PTPRO: variants seen among roughly 807,000 people sequenced by gnomAD.
PTPRO encodes the protein receptor-type tyrosine-protein phosphatase O.
A neutral mutation model predicts 145.2 loss-of-function variants in PTPRO; 62 were observed. That is an observed-to-expected ratio of 0.43 (90% CI 0.35 to 0.53). The LOEUF (loss-of-function observed/expected upper bound fraction) is 0.53. Ranked by LOEUF, PTPRO falls within the 20% of genes least tolerant of loss-of-function variation. The probability of loss-of-function intolerance (pLI) is 0.01; values close to 1 mark genes in which losing one functional copy is unlikely to be tolerated. For synonymous variants in PTPRO, 565 were observed against 514.7 expected, an observed-to-expected ratio of 1.10 and a Z score of -1.32; for missense variants, 1,345 against 1,482.7, an observed-to-expected ratio of 0.91 and a Z score of 1.53.
chr12:15,468,496 G>C lies in PTPRO; in HGVS notation c.76-15478G>C, dbSNP rs60546013. Among the ~76,000 whole-genome samples the C allele has an allele frequency of 8.2e-3, 1,247 of 152,230 alleles. 18 individuals carry two copies. Among genetic ancestry groups the C allele is most frequent in the African/African-American group, 0.028 (1,152 of 41,558 alleles). ...TTCACATTCACTGTCCTTAGGTCCTGTTCTTTCTCTCCAACTAATCATCAG... is the reference window on the plus strand; with the variant it reads ...TTCACATTCACTGTCCTTAGGTCCTCTTCTTTCTCTCCAACTAATCATCAG... On this transcript the variant is annotated intron_variant, in intron 1 of 26. Transcript: ENST00000281171.
At chr12:15,549,988 G>A (rs1943410738) in intron 14 of PTPRO, among the ~76,000 whole-genome samples, 1 of 152,048 alleles carries the variant, frequency 6.6e-6, no homozygotes, top group Non-Finnish European at 1.5e-5. Flanking sequence ...TACCTGCAAA[G>A]TATTTTAATG....
At chr12:15,511,617 G>A (rs537670854) in intron 7 of PTPRO, among the ~76,000 whole-genome samples, 9 of 152,348 alleles carry the variant, frequency 5.9e-5, no homozygotes, top group Admixed American at 5.9e-4. Context: ...GGAGCATGGA[G>A]TGCAAAGTCA....
At chr12:15,450,681 G>T (rs897036611) in intron 1 of PTPRO, among the ~76,000 whole-genome samples, 2 of 152,094 alleles carry the variant, frequency 1.3e-5, no homozygotes, top group African/African-American at 4.8e-5. Flanking sequence ...GCTGGGGTGG[G>T]AGGATTGCTT....
At chr12:15,360,863 TATGTGTGTATATACAC>T (rs1938166864) in intron 1 of PTPRO, among the ~76,000 whole-genome samples, 1 of 102,552 alleles carries the variant, frequency 9.8e-6, no homozygotes, top group African/African-American at 3.3e-5. Context: ...TGTGTGTATA[TATGTGTGTATATACAC>T]ACATACACAT....
intron 1 of PTPRO, among the ~76,000 whole-genome samples, chr12:15,448,762 T>C (rs1940973267): frequency 6.6e-6 from 1 of 152,054 alleles, no homozygotes; most frequent in South Asian, 2.1e-4. Flanking sequence ...AGCCAAGACA[T>C]AAAAACAATC....
chr12:15,345,823 A>G (rs1310941835), intron 1 of PTPRO, among the ~76,000 whole-genome samples: 1 of 152,180 alleles, frequency 6.6e-6, no homozygotes, highest in African/African-American at 2.4e-5. Context: ...CAAATGTCAG[A>G]GAGGCACTAA....
chr12:15,499,906 C>T (rs1359977720), intron 4 of PTPRO, among the ~76,000 whole-genome samples: 1 of 151,836 alleles, frequency 6.6e-6, no homozygotes, highest in Non-Finnish European at 1.5e-5. Flanking sequence ...GACAAGTGAC[C>T]CTATGGCAGA....
At chr12:15,585,666 C>A (rs942338438) in intron 23 of PTPRO, among the ~76,000 whole-genome samples, 1 of 152,128 alleles carries the variant, frequency 6.6e-6, no homozygotes, top group African/African-American at 2.4e-5. Context: ...AAACTGACAG[C>A]GAGGCCAAGC....
At chr12:15,464,201 T>C (rs1038967214) in intron 1 of PTPRO, among the ~76,000 whole-genome samples, 7 of 152,134 alleles carry the variant, frequency 4.6e-5, no homozygotes, top group Non-Finnish European at 8.8e-5. Context: ...AGAAATAAAG[T>C]AGTTAACAAA....
chr12:15,500,411 A>T (rs566807025), intron 4 of PTPRO, among the ~76,000 whole-genome samples: 2 of 152,200 alleles, frequency 1.3e-5, no homozygotes, highest in Non-Finnish European at 1.5e-5. Context: ...TCATTATTCA[A>T]TGTAAGTAGA....
intron 13 of PTPRO, among the ~76,000 whole-genome samples, chr12:15,548,528 A>ATGTGTG (rs34372542): frequency 0.012 from 1,814 of 149,326 alleles, 20 homozygotes; most frequent in African/African-American, 0.034. Context: ...GTGTATATAT[A>ATGTGTG]TGTGTGTGTG....
intron 24 of PTPRO, among the ~76,000 whole-genome samples, chr12:15,587,851 T>C (rs1944462612): frequency 6.6e-6 from 1 of 152,230 alleles, no homozygotes; most frequent in African/African-American, 2.4e-5. Context: ...TTGGCAGCCA[T>C]GCCAACCTAA....
At chr12:15,468,007 C>T (rs1316611176) in intron 1 of PTPRO, among the ~76,000 whole-genome samples, 3 of 152,202 alleles carry the variant, frequency 2.0e-5, no homozygotes, top group Non-Finnish European at 4.4e-5. Context: ...GCCCCTTCTT[C>T]ATCCCAGCAT....
intron 9 of PTPRO, among the ~76,000 whole-genome samples, chr12:15,519,902 C>T (rs1456490345): frequency 2.0e-5 from 3 of 152,094 alleles, no homozygotes; most frequent in Non-Finnish European, 4.4e-5. Flanking sequence ...TGTACAGTCA[C>T]TTATAAATAA....
intron 1 of PTPRO, among the ~76,000 whole-genome samples, chr12:15,360,235 G>A (rs1297314730): frequency 6.6e-6 from 1 of 152,094 alleles, no homozygotes; most frequent in Non-Finnish European, 1.5e-5. Context: ...GCTTATCAGT[G>A]TGGCTCACTA....
Position 15,585,230 on chromosome 12 carries a change from G to A in PTPRO, c.3256-1667G>A, listed in dbSNP as rs192916941. Among the ~76,000 whole-genome samples, 443 of 152,302 alleles carry A rather than the reference G, an allele frequency of 2.9e-3. 2 individuals are homozygous for A. Among genetic ancestry groups the A allele is most frequent in the African/African-American group, 9.8e-3 (407 of 41,556 alleles). ...AAATTATGATCAGCATTTAAACAGG[G>A]CAAGCATTTTCCTGAACTTTCCTGG... On this transcript the variant is annotated intron_variant, in intron 23 of 26. Transcript: ENST00000281171.
intron 2 of PTPRO, among the ~76,000 whole-genome samples, chr12:15,494,041 G>GA (rs1402846147): frequency 2.6e-5 from 4 of 152,050 alleles, no homozygotes; most frequent in Non-Finnish European, 5.9e-5. Flanking sequence ...TTTAAAACAT[G>GA]AAACAATGTT....
chr12:15,594,410 A>C (rs1944614693), intron 25 of PTPRO, among the ~76,000 whole-genome samples: 1 of 151,778 alleles, frequency 6.6e-6, no homozygotes, highest in East Asian at 1.9e-4. Flanking sequence ...ATTAATAATG[A>C]TTTAATGTAC....
intron 6 of PTPRO, 108 bp from the exon 7 acceptor site, chr12:15,508,463 G>T: frequency 1.7e-6 from 2 of 1,188,578 alleles, no homozygotes; most frequent in Non-Finnish European, 2.4e-6. Flanking sequence ...ATCTTTCTTT[G>T]AATCTCATTG....
Sources: gnomAD v4.1 joint callset for allele counts (sites outside exome capture counted in the v4.1 genomes callset) on GRCh38, gnomAD v4.1.1 for gene constraint, MANE v1.5 for transcripts, NCBI Gene and HGNC (gene_info 2026-07-23, HGNC 2026-07-21) for gene names.